MAP4K3: variants seen among roughly 807,000 people sequenced by gnomAD.
The protein encoded by MAP4K3 is mitogen-activated protein kinase kinase kinase kinase 3, also known as MAPK/ERK kinase kinase kinase 3.
MAP4K3 carries 94 observed loss-of-function variants against 143.5 expected under a neutral mutation model. That is an observed-to-expected ratio of 0.65 (90% CI 0.55 to 0.78). MAP4K3 has a LOEUF of 0.78. Ranked by LOEUF, MAP4K3 falls within the 30% of genes least tolerant of loss-of-function variation. The pLI is 0.00. For missense variants in MAP4K3, 1,077 were observed against 1,068.1 expected, an observed-to-expected ratio of 1.01 and a Z score of -0.12; for synonymous variants, 416 against 347.2, an observed-to-expected ratio of 1.20 and a Z score of -2.20.
intron 2 of MAP4K3, among the ~76,000 whole-genome samples, chr2:39,358,974 T>G (rs1370070822): frequency 6.6e-6 from 1 of 152,130 alleles, no homozygotes; most frequent in Non-Finnish European, 1.5e-5. Flanking sequence ...GTCCTCACAT[T>G]TCAAGTCACA....
intron 32 of MAP4K3, among the ~76,000 whole-genome samples, chr2:39,252,449 A>G (rs1241179203): frequency 6.6e-6 from 1 of 152,252 alleles, no homozygotes; most frequent in Non-Finnish European, 1.5e-5. Flanking sequence ...ATTAGTGGGT[A>G]TAATGCCTAG....
At chr2:39,329,927 G>C (rs920184681) in intron 8 of MAP4K3, among the ~76,000 whole-genome samples, 1 of 152,122 alleles carries the variant, frequency 6.6e-6, no homozygotes, top group African/African-American at 2.4e-5. Context: ...TTTGAGGGAA[G>C]GCTCCATCAT....
chr2:39,407,494 G>C (rs1409572076), intron 1 of MAP4K3, among the ~76,000 whole-genome samples: 2 of 152,216 alleles, frequency 1.3e-5, no homozygotes, highest in African/African-American at 4.8e-5. Context: ...GGAGCTCCCA[G>C]ACACCATTAA....
intron 1 of MAP4K3, among the ~76,000 whole-genome samples, chr2:39,425,916 C>A (rs1302405794): frequency 1.3e-5 from 2 of 152,042 alleles, no homozygotes; most frequent in African/African-American, 4.8e-5. Context: ...ATTTGGGAAC[C>A]ATTATAGTAA....
intron 1 of MAP4K3, among the ~76,000 whole-genome samples, chr2:39,388,603 C>T (rs1210339336): frequency 6.6e-6 from 1 of 152,156 alleles, no homozygotes; most frequent in African/African-American, 2.4e-5. Flanking sequence ...TGAAGAGTCA[C>T]ACCGCACAGG....
At chr2:39,297,039 C>T (rs1001795139) in intron 16 of MAP4K3, among the ~76,000 whole-genome samples, 12 of 152,214 alleles carry the variant, frequency 7.9e-5, no homozygotes, top group African/African-American at 2.9e-4. Flanking sequence ...ACTCTTTTAA[C>T]TATTACTTAT....
intron 23 of MAP4K3, among the ~76,000 whole-genome samples, chr2:39,279,151 A>G (rs1681400563): frequency 6.6e-6 from 1 of 152,332 alleles, no homozygotes; most frequent in Non-Finnish European, 1.5e-5. Context: ...AACTTGAAGA[A>G]AAGTGCCCGA....
intron 21 of MAP4K3, among the ~76,000 whole-genome samples, chr2:39,286,095 G>C (rs956955001): frequency 2.0e-5 from 3 of 152,202 alleles, no homozygotes; most frequent in Non-Finnish European, 4.4e-5. Flanking sequence ...TTCGGCATCA[G>C]GGACTGGTTT....
At chr2:39,253,045 C>G (rs1347251831) in intron 32 of MAP4K3, among the ~76,000 whole-genome samples, 1 of 152,214 alleles carries the variant, frequency 6.6e-6, no homozygotes, top group Non-Finnish European at 1.5e-5. Flanking sequence ...TAGCTGTTGA[C>G]TGTTCTTATC....
chr2:39,417,190 A>T (rs2148623768), intron 1 of MAP4K3, among the ~76,000 whole-genome samples: 1 of 151,858 alleles, frequency 6.6e-6, no homozygotes, highest in Non-Finnish European at 1.5e-5. Flanking sequence ...AATGGATACC[A>T]GGCAGTGAAA....
intron 12 of MAP4K3, among the ~76,000 whole-genome samples, chr2:39,322,590 A>ATG (rs1435720329): frequency 4.2e-5 from 2 of 48,114 alleles, no homozygotes; most frequent in Admixed American, 2.0e-4. Flanking sequence ...TAGATGTGGT[A>ATG]TATGTGTGTG....
chr2:39,346,248 C>T (rs1241157787), intron 3 of MAP4K3, among the ~76,000 whole-genome samples: 2 of 152,120 alleles, frequency 1.3e-5, no homozygotes, highest in African/African-American at 4.8e-5. Flanking sequence ...TGAAAGCTAT[C>T]GTTAACTTCT....
intron 26 of MAP4K3, among the ~76,000 whole-genome samples, chr2:39,269,112 CTTTTT>C (rs34649274): frequency 6.7e-6 from 1 of 148,816 alleles, no homozygotes; most frequent in Non-Finnish European, 1.5e-5. Context: ...CTGTACAAGT[CTTTTT>C]TTTTTTTTAG....
At chr2:39,260,579 C>A in intron 29 of MAP4K3, 27 bp downstream of exon 29, 1 of 1,602,312 alleles carries the variant, frequency 6.2e-7, no homozygotes, top group South Asian at 1.1e-5. Context: ...ATGTATTACC[C>A]TTAATAATTC....
At chr2:39,272,180 G>T (rs1681053395) in intron 26 of MAP4K3, 103 bp downstream of exon 26, 7 of 836,446 alleles carry the variant, frequency 8.4e-6, no homozygotes, top group African/African-American at 1.7e-5. Flanking sequence ...TTTTCATCAT[G>T]ATTTTTATTA....
At chr2:39,403,677 C>G (rs189356214) in intron 1 of MAP4K3, among the ~76,000 whole-genome samples, 61 of 152,080 alleles carry the variant, frequency 4.0e-4, no homozygotes, top group African/African-American at 1.3e-3. Flanking sequence ...GACTGCAACT[C>G]TTAGGCAAAG....
intron 2 of MAP4K3, among the ~76,000 whole-genome samples, chr2:39,374,915 G>A (rs1166598384): frequency 6.6e-6 from 1 of 152,042 alleles, no homozygotes; most frequent in African/African-American, 2.4e-5. Context: ...TGTTGCACTA[G>A]ACTATTTCAG....
intron 2 of MAP4K3, among the ~76,000 whole-genome samples, chr2:39,373,127 A>G (rs1183298954): frequency 5.3e-5 from 8 of 152,258 alleles, no homozygotes; most frequent in Non-Finnish European, 7.3e-5. Context: ...AAAATGGGCA[A>G]AAGATCTGAA....
At chr2:39,419,932 A>T (rs79304293) in intron 1 of MAP4K3, among the ~76,000 whole-genome samples, 10,373 of 152,266 alleles carry the variant, frequency 0.068, 1,197 homozygotes, top group African/African-American at 0.24. Context: ...GGCAAAAGCA[A>T]GGTATGGAAA....
Sources: gnomAD v4.1 joint callset for allele counts (sites outside exome capture counted in the v4.1 genomes callset) on GRCh38, gnomAD v4.1.1 for gene constraint, MANE v1.5 for transcripts, NCBI Gene and HGNC (gene_info 2026-07-23, HGNC 2026-07-21) for gene names.